The following NAT10 variants were observed in gnomAD, a reference collection of about 807,000 sequenced individuals.
The protein encoded by NAT10 is RNA cytidine acetyltransferase.
NAT10 carries 109 observed loss-of-function variants against 132.2 expected under a neutral mutation model. The observed-to-expected ratio is 0.82, with a 90% CI of 0.71 to 0.97. The LOEUF (loss-of-function observed/expected upper bound fraction) is 0.97. NAT10 is among the 50% of genes least tolerant of loss of function. The pLI, the probability that NAT10 is intolerant of heterozygous loss-of-function variation, is 0.00. For missense variants in NAT10, 1,184 were observed against 1,263.4 expected, an observed-to-expected ratio of 0.94 and a Z score of 0.95; for synonymous variants, 479 against 478.0, an observed-to-expected ratio of 1.00 and a Z score of -0.03.
chr11:34,130,147 C>CCTGTGGTGA (rs1349409657), intron 12 of NAT10, among the ~76,000 whole-genome samples: 2 of 151,882 alleles, frequency 1.3e-5, no homozygotes, highest in African/African-American at 4.8e-5. Context: ...CTGTGTGTAC[C>CCTGTGGTGA]CTGTGGTGAC....
chr11:34,130,847 C>G lies in NAT10; in HGVS notation c.1279C>G (p.Leu427Val), dbSNP rs1339529635. The G allele has an allele frequency of 3.7e-6, 6 of 1,614,154 alleles. No individual in the cohort carries two copies. The highest frequency in any genetic ancestry group is 5.1e-6 in the Non-Finnish European group (6 of 1,180,018). ...EGTGRSLSLKLIQQLRQQSAQ... is the reference protein window; with the variant it reads ...EGTGRSLSLKVIQQLRQQSAQ... The stretch of plus-strand genomic sequence containing the variant: ...CACTGGCCGGTCACTGTCCCTCAAG[C>G]TAATTCAGCAGCTCCGTCAACAGAG... Residue 427 changes from leucine to valine, a missense_variant, in exon 13 of 29, where the codon CTA becomes GTA. Transcript: ENST00000257829.
At chr11:34,108,173 C>T (rs576596433) in intron 1 of NAT10, 38 bp from the exon 2 acceptor site, 1 of 1,400,192 alleles carries the variant, frequency 7.1e-7, no homozygotes, top group Admixed American at 1.7e-5. Context: ...CTTAGACAAT[C>T]TAGTGCGCAT....
chr11:34,142,571 C>T (rs1412086067), intron 27 of NAT10, among the ~76,000 whole-genome samples: 1 of 152,212 alleles, frequency 6.6e-6, no homozygotes, highest in Non-Finnish European at 1.5e-5. Context: ...TTACACATTG[C>T]ACTCTCTGAT....
chr11:34,127,693 G>C, intron 12 of NAT10, 94 bp downstream of exon 12: 1 of 1,449,212 alleles, frequency 6.9e-7, no homozygotes, highest in Non-Finnish European at 9.3e-7. Context: ...GGACAGCCAA[G>C]TCTGATTCTC....
At position 34,115,817 on chromosome 11, in the gene NAT10, T is replaced by C; in HGVS notation, c.496-6T>C. On this transcript the variant is annotated splice_polypyrimidine_tract_variant and splice_region_variant and intron_variant, in intron 5 of 28. Transcript: ENST00000257829. The stretch of plus-strand genomic sequence containing the variant: ...TTTGTTAATGGATGTTGTCTTTCTT[T>C]GTTAGGATGTGCATTCCAGGTACAG... 1 of 1,613,922 alleles carries C rather than the reference T, an allele frequency of 6.2e-7. No homozygotes were observed. The highest frequency in any genetic ancestry group is 8.5e-7 in the Non-Finnish European group (1 of 1,179,924).
intron 19 of NAT10, among the ~76,000 whole-genome samples, chr11:34,135,976 A>C (rs961430653): frequency 6.6e-6 from 1 of 152,142 alleles, no homozygotes; most frequent in Non-Finnish European, 1.5e-5. Flanking sequence ...AATGAAAAAA[A>C]AAGTTCAAGC....
In NAT10 at chr11:34,122,601, A is replaced by C; in HGVS notation, c.914+9A>C. The stretch of plus-strand genomic sequence containing the variant: ...GGGGCGGTGGCATTTGGGTAAGGGG[A>C]TTCAGTCCCCCATCTTTAGGAACTC... On this transcript the variant is annotated intron_variant, in intron 9 of 28. Transcript: ENST00000257829. 1 of 1,613,618 alleles carries C rather than the reference A, an allele frequency of 6.2e-7. No homozygotes were observed. Among genetic ancestry groups the C allele is most frequent in the Non-Finnish European group, 8.5e-7 (1 of 1,179,826 alleles).
intron 21 of NAT10, 36 bp from the exon 22 acceptor site, chr11:34,139,155 G>A (rs760576665): frequency 1.9e-6 from 3 of 1,571,206 alleles, no homozygotes; most frequent in Middle Eastern, 1.7e-4. Context: ...AAAAAAAGGG[G>A]GTTCTTGGTG....
At chr11:34,135,077 A>T (rs544454590) in intron 18 of NAT10, 98 bp from the exon 19 acceptor site, 24 of 898,094 alleles carry the variant, frequency 2.7e-5, no homozygotes, top group Middle Eastern at 3.4e-4. Flanking sequence ...TTTGACAGGG[A>T]GGGAAGGTTC....
At position 34,132,228 on chromosome 11, in the gene NAT10, G is replaced by A; in HGVS notation, c.1617+7G>A. 2 of 1,606,588 alleles carry A rather than the reference G, an allele frequency of 1.2e-6. No individual in the cohort carries two copies. The highest frequency in any genetic ancestry group is 4.5e-5 in the East Asian group (2 of 44,848). On this transcript the variant is annotated splice_region_variant and intron_variant, in intron 15 of 28. Transcript: ENST00000257829. ...CGTGGCTTCTCACTACAAGGTAACT[G>A]CAGCTAGCCCTTGTGTGAATGGTAG...
Position 34,108,350 on chromosome 11 carries a change from G to C in NAT10, c.108+17G>C. 6.3e-7 allele frequency: 1 copy of C among 1,580,882 alleles called. No homozygotes were observed. Among genetic ancestry groups the C allele is most frequent in the Non-Finnish European group, 8.7e-7 (1 of 1,150,154 alleles). On this transcript the variant is annotated intron_variant, in intron 2 of 28. Coordinates refer to ENST00000257829, the MANE Select transcript of NAT10 (RefSeq NM_024662.3). ...AAAGATCAGGTATGGCCTGGTAAAT[G>C]CTTCCTGAATTACTTTTTATCTTGT... is the stretch of plus-strand genomic sequence containing the variant.
chr11:34,141,327 A>ATCT (rs1161077584), intron 25 of NAT10, 119 bp downstream of exon 25: 3 of 1,260,550 alleles, frequency 2.4e-6, no homozygotes, highest in Non-Finnish European at 3.3e-6. Flanking sequence ...CTCGTCACAC[A>ATCT]CACACACACA....
intron 27 of NAT10, among the ~76,000 whole-genome samples, chr11:34,142,633 T>C (rs551477813): frequency 6.6e-6 from 1 of 152,136 alleles, no homozygotes; most frequent in Non-Finnish European, 1.5e-5. Flanking sequence ...GGGGTGCCGA[T>C]TGGATGAGCA....
At chr11:34,139,992 G>A (rs1480577071) in intron 23 of NAT10, among the ~76,000 whole-genome samples, 5 of 152,220 alleles carry the variant, frequency 3.3e-5, no homozygotes, top group Admixed American at 3.3e-4. Flanking sequence ...GTGTATATGT[G>A]TGTGTATATA....
intron 5 of NAT10, among the ~76,000 whole-genome samples, chr11:34,114,322 A>G (rs1402265642): frequency 1.3e-5 from 2 of 152,226 alleles, no homozygotes; most frequent in African/African-American, 4.8e-5. Flanking sequence ...GACTGAGGAC[A>G]TGGTGAGGAA....
In NAT10 at chr11:34,136,972, T is replaced by G. The variant is rs1001251556; in HGVS notation, c.2163-6T>G. The G allele has an allele frequency of 9.3e-6, 15 of 1,614,092 alleles. No individual in the cohort carries two copies. Among genetic ancestry groups the G allele is most frequent in the Non-Finnish European group, 1.2e-5 (14 of 1,180,044 alleles). On this transcript the variant is annotated splice_region_variant and splice_polypyrimidine_tract_variant and intron_variant, in intron 20 of 28. Coordinates refer to ENST00000257829, the MANE Select transcript of NAT10 (RefSeq NM_024662.3). The stretch of plus-strand genomic sequence containing the variant: ...ACAGTGACCTACTGTCTTTGTATCT[T>G]TGCAGGTTCTGGAAACGAGCTGGAT...
intron 26 of NAT10, 89 bp downstream of exon 26, chr11:34,141,906 A>G: frequency 9.1e-7 from 1 of 1,101,660 alleles, no homozygotes; most frequent in Non-Finnish European, 1.4e-6. Context: ...CTTCCCCTTT[A>G]GAAAGAGTCC....
intron 11 of NAT10, among the ~76,000 whole-genome samples, chr11:34,125,836 C>T (rs905023911): frequency 3.3e-5 from 5 of 152,056 alleles, no homozygotes; most frequent in African/African-American, 9.7e-5. Context: ...TGGTGGCATG[C>T]GCCTGCAATC....
At chr11:34,131,010 T>A (rs1206500173) in intron 13 of NAT10, 73 bp downstream of exon 13, 8 of 1,574,438 alleles carry the variant, frequency 5.1e-6, no homozygotes, top group Non-Finnish European at 6.9e-6. Flanking sequence ...TCGCTTCCCC[T>A]GTGACATCAT....
Sources: gnomAD v4.1 joint callset for allele counts (sites outside exome capture counted in the v4.1 genomes callset) on GRCh38, gnomAD v4.1.1 for gene constraint, MANE v1.5 for transcripts, NCBI Gene and HGNC (gene_info 2026-07-23, HGNC 2026-07-21) for gene names.